Variants in KCNB2 observed in about 807,000 individuals in gnomAD.
KCNB2 encodes potassium voltage-gated channel subfamily B member 2.
Under a neutral mutation model 61.5 loss-of-function variants are expected in KCNB2, and 15 were observed. The observed-to-expected ratio is 0.24, with a 90% CI of 0.16 to 0.38. KCNB2 has a LOEUF of 0.38. Ranked by LOEUF, KCNB2 falls within the 10% of genes least tolerant of loss-of-function variation. KCNB2 has a pLI of 1.00. For synonymous variants in KCNB2, 457 were observed against 446.0 expected, an observed-to-expected ratio of 1.02 and a Z score of -0.31; for missense variants, 828 against 1,125.2, an observed-to-expected ratio of 0.74 and a Z score of 3.78.
chr8:72,553,139 G>T (rs1474897587), intron 1 of KCNB2, among the ~76,000 whole-genome samples: 1 of 152,066 alleles, frequency 6.6e-6, no homozygotes. Flanking sequence ...CAGAAATGAT[G>T]ATAGCTCTTG....
At chr8:72,687,832 A>G (rs778954321) in intron 2 of KCNB2, among the ~76,000 whole-genome samples, 11 of 152,168 alleles carry the variant, frequency 7.2e-5, no homozygotes, top group Non-Finnish European at 1.3e-4. Context: ...TCCATATTCC[A>G]TGTTTTAGAG....
chr8:72,628,432 TGTGTGTGTGTGTGA>T (rs927062227), intron 2 of KCNB2, among the ~76,000 whole-genome samples: 147 of 140,076 alleles, frequency 1.0e-3, no homozygotes, highest in East Asian at 2.6e-3. Context: ...TGTGTGTGTG[TGTGTGTGTGTGTGA>T]GATGCACTTA....
At chr8:72,779,112 C>G (rs1414354704) in intron 2 of KCNB2, among the ~76,000 whole-genome samples, 1 of 152,170 alleles carries the variant, frequency 6.6e-6, no homozygotes, top group Non-Finnish European at 1.5e-5. Flanking sequence ...TGACCTGTGG[C>G]TCAGTCACAG....
intron 1 of KCNB2, among the ~76,000 whole-genome samples, chr8:72,558,626 G>A (rs17829035): frequency 0.43 from 65,632 of 152,016 alleles, 17,494 homozygotes; most frequent in Non-Finnish European, 0.58. Context: ...AATTAAACCC[G>A]ATTATTTACT....
At chr8:72,736,919 T>C (rs571462148) in intron 2 of KCNB2, among the ~76,000 whole-genome samples, 4 of 152,290 alleles carry the variant, frequency 2.6e-5, no homozygotes, top group Non-Finnish European at 5.9e-5. Flanking sequence ...TGAAAGAATA[T>C]ACATATATAA....
intron 2 of KCNB2, among the ~76,000 whole-genome samples, chr8:72,845,128 G>A (rs183262753): frequency 3.7e-4 from 57 of 152,220 alleles, no homozygotes; most frequent in Non-Finnish European, 5.3e-4. Context: ...GTTTTTGTGT[G>A]GATGTCCCTT....
intron 2 of KCNB2, among the ~76,000 whole-genome samples, chr8:72,827,236 G>A (rs1209681710): frequency 6.6e-6 from 1 of 152,118 alleles, no homozygotes; most frequent in Non-Finnish European, 1.5e-5. Flanking sequence ...AAGAAGAAAA[G>A]AAAGGGGAGA....
chr8:72,595,033 G>C (rs923636039), intron 2 of KCNB2, among the ~76,000 whole-genome samples: 1 of 152,146 alleles, frequency 6.6e-6, no homozygotes, highest in African/African-American at 2.4e-5. Context: ...TTCATAGTTT[G>C]AAAGTTCCTG....
intron 2 of KCNB2, among the ~76,000 whole-genome samples, chr8:72,689,219 G>C (rs1485933690): frequency 6.6e-6 from 1 of 152,110 alleles, no homozygotes; most frequent in Non-Finnish European, 1.5e-5. Flanking sequence ...TATGTGACAA[G>C]CACTGAGCTT....
intron 2 of KCNB2, among the ~76,000 whole-genome samples, chr8:72,900,360 G>A (rs1312050852): frequency 6.6e-6 from 1 of 152,076 alleles, no homozygotes. Flanking sequence ...ATGGATTAAA[G>A]GTTTAAGTGT....
chr8:72,904,527 C>T (rs1449864301), intron 2 of KCNB2, among the ~76,000 whole-genome samples: 1 of 151,492 alleles, frequency 6.6e-6, no homozygotes, highest in Non-Finnish European at 1.5e-5. Flanking sequence ...AAAAGTTGGA[C>T]ATTTTAAAAA....
chr8:72,650,531 C>A (rs527515110), intron 2 of KCNB2, among the ~76,000 whole-genome samples: 2 of 152,288 alleles, frequency 1.3e-5, no homozygotes, highest in Admixed American at 1.3e-4. Flanking sequence ...AGTTAAGTAA[C>A]TTCCTCAAGA....
At chr8:72,683,779 G>T (rs912882921) in intron 2 of KCNB2, among the ~76,000 whole-genome samples, 1 of 152,114 alleles carries the variant, frequency 6.6e-6, no homozygotes, top group Admixed American at 6.5e-5. Flanking sequence ...TACAGTGTGA[G>T]ATACAGATAA....
At chr8:72,884,626 G>A (rs11775153) in intron 2 of KCNB2, among the ~76,000 whole-genome samples, 58,385 of 151,998 alleles carry the variant, frequency 0.38, 12,604 homozygotes, top group African/African-American at 0.58. Context: ...GAATTTGTGT[G>A]TGTTGGGAAA....
chr8:72,816,278 C>T (rs545260119), intron 2 of KCNB2, among the ~76,000 whole-genome samples: 8 of 152,266 alleles, frequency 5.3e-5, no homozygotes, highest in African/African-American at 1.7e-4. Flanking sequence ...ATCCCTGAAC[C>T]TGGGTCCTTT....
At chr8:72,639,601 C>T (rs1045539898) in intron 2 of KCNB2, among the ~76,000 whole-genome samples, 3 of 151,978 alleles carry the variant, frequency 2.0e-5, no homozygotes, top group Non-Finnish European at 4.4e-5. Flanking sequence ...GAGGGAGGTG[C>T]AGGGGTACGA....
Position 72,851,826 on chromosome 8 carries a change from G to GAAAAAAAAAAA in KCNB2, c.580-84097_580-84087dup, listed in dbSNP as rs55696554. On this transcript the variant is annotated intron_variant, in intron 2 of 2. Coordinates refer to ENST00000523207, the MANE Select transcript of KCNB2 (RefSeq NM_004770.3). Reference sequence around the variant, plus strand: ...TTTTTTTTTAATGTAGAAGCTGTAGGAAAAAAAAAAAAAAAAAAAAAACAC... The same window carrying GAAAAAAAAAAA: ...TTTTTTTTTAATGTAGAAGCTGTAGGAAAAAAAAAAAAAAAAAAAAAAAAAAAAAAAAACAC... Among the ~76,000 whole-genome samples the GAAAAAAAAAAA allele has an allele frequency of 5.5e-3, 239 of 43,812 alleles. 24 individuals carry two copies. Among genetic ancestry groups the GAAAAAAAAAAA allele is most frequent in the Middle Eastern group, 0.024 (1 of 42 alleles). 28.7% of individuals were successfully genotyped at this position (43,812 alleles called of 152,430 possible). A position where few individuals can be genotyped will look rare whatever the true frequency, so the allele number is the denominator to read the frequency against.
chr8:72,870,722 A>G (rs1805602154), intron 2 of KCNB2, among the ~76,000 whole-genome samples: 1 of 152,244 alleles, frequency 6.6e-6, no homozygotes, highest in African/African-American at 2.4e-5. Flanking sequence ...GTGACAAAGC[A>G]CTACAAAAAT....
rs768621667 is a variant in KCNB2, at chr8:72,938,088, G to T, written c.2733G>T (p.Met911Ile). Residue 911 changes from methionine to isoleucine, a missense_variant, in exon 3 of 3, where the codon ATG (methionine) becomes ATT (isoleucine). By Grantham distance (10) the Met-to-Ile change is conservative (BLOSUM62 1). Coordinates refer to ENST00000523207, the MANE Select transcript of KCNB2 (RefSeq NM_004770.3). ...TGYCPTRETS[M>I] ...ATTGTCCCACACGTGAAACCAGCAT[G>T]TGACTAGTTACAAAAGCAATAAATT... 1.3e-6 allele frequency: 2 copies of T among 1,584,454 alleles called. No individual in the cohort carries two copies. Among genetic ancestry groups the T allele is most frequent in the Non-Finnish European group, 1.7e-6 (2 of 1,165,900 alleles).
Sources: gnomAD v4.1 joint callset for allele counts (sites outside exome capture counted in the v4.1 genomes callset) on GRCh38, gnomAD v4.1.1 for gene constraint, MANE v1.5 for transcripts, NCBI Gene and HGNC (gene_info 2026-07-23, HGNC 2026-07-21) for gene names.